DYNC2H1: variants seen among roughly 807,000 people sequenced by gnomAD.
DYNC2H1 encodes dynein cytoplasmic 2 heavy chain 1, also known as cytoplasmic dynein 2 heavy chain 1.
DYNC2H1 carries 410 observed loss-of-function variants against 570.0 expected under a neutral mutation model. The observed-to-expected ratio is 0.72, with a 90% CI of 0.66 to 0.78. The LOEUF is 0.78. Ranked by LOEUF, DYNC2H1 falls within the 30% of genes least tolerant of loss-of-function variation. The probability of loss-of-function intolerance (pLI) is 0.00; values close to 1 mark genes in which losing one functional copy is unlikely to be tolerated. For missense variants in DYNC2H1, 4,865 were observed against 5,046.4 expected (o/e 0.96, Z 1.09); for synonymous variants, 1,688 against 1,677.6 (o/e 1.01, Z -0.15).
chr11:103,313,522 C>G (rs1039766854), intron 79 of DYNC2H1, among the ~76,000 whole-genome samples: 1 of 152,116 alleles, frequency 6.6e-6, no homozygotes, highest in Non-Finnish European at 1.5e-5. Flanking sequence ...CATGCTGCTC[C>G]CCTTTTAACC....
chr11:103,476,677 T>G (rs866268723), intron 88 of DYNC2H1, among the ~76,000 whole-genome samples: 48 of 152,222 alleles, frequency 3.2e-4, no homozygotes, highest in South Asian at 6.2e-4. Context: ...AATAATTTTT[T>G]GGGGGACATA....
chr11:103,338,086 G>A (rs1349993069), intron 82 of DYNC2H1, among the ~76,000 whole-genome samples: 2 of 152,140 alleles, frequency 1.3e-5, no homozygotes, highest in Non-Finnish European at 2.9e-5. Flanking sequence ...TAATTCTTCT[G>A]CATAAGGTTA....
intron 20 of DYNC2H1, among the ~76,000 whole-genome samples, chr11:103,150,379 G>A (rs959161614): frequency 1.3e-5 from 2 of 152,134 alleles, no homozygotes; most frequent in African/African-American, 4.8e-5. Context: ...GTATCATGTA[G>A]TGGTAGTGGA....
chr11:103,309,716 C>T (rs17396421), intron 78 of DYNC2H1, among the ~76,000 whole-genome samples: 20,435 of 151,994 alleles, frequency 0.13, 1,783 homozygotes, highest in Non-Finnish European at 0.2. Context: ...TATTCTAGGA[C>T]TGGATTGCAT....
At position 103,179,102 on chromosome 11, in the gene DYNC2H1, T is replaced by C. The variant is rs1861746263; in HGVS notation, c.6216T>C (p.Asp2072=). 6.2e-7 allele frequency: 1 copy of C among 1,613,106 alleles called. No individual in the cohort carries two copies. The highest frequency in any genetic ancestry group is 8.5e-7 in the Non-Finnish European group (1 of 1,179,286). ...WIESLNSVLD[D]NRLLTMPSGE... is the part of the protein sequence containing the mutation. ...AATCTCTGAATTCTGTTCTGGATGATAATCGACTGCTGACTATGCCCAGTG... is the reference window on the plus strand; with the variant it reads ...AATCTCTGAATTCTGTTCTGGATGACAATCGACTGCTGACTATGCCCAGTG... Residue 2072 remains aspartate (D), a synonymous_variant, in exon 39 of 89, where the codon GAT becomes GAC. Coordinates refer to ENST00000375735, the MANE Select transcript of DYNC2H1 (RefSeq NM_001377.3).
At chr11:103,385,422 T>C (rs1265454679) in intron 83 of DYNC2H1, among the ~76,000 whole-genome samples, 1 of 152,186 alleles carries the variant, frequency 6.6e-6, no homozygotes, top group Admixed American at 6.5e-5. Flanking sequence ...CACTGTTTTT[T>C]TTCAGCTGAA....
At position 103,121,422 on chromosome 11, in the gene DYNC2H1, T is replaced by A. The variant is rs1474401027; in HGVS notation, c.1411T>A (p.Ser471Thr). Residue 471 changes from serine (S) to threonine (T), a missense_variant, in exon 10 of 89, where the codon TCT (serine) becomes ACT (threonine). Ser to Thr is a moderately conservative substitution (Grantham distance 58). Around this residue, in one of 5 missense-constraint regions of DYNC2H1, gnomAD observed 1,936 missense variants for 1,962.1 expected, o/e 0.99. Coordinates refer to ENST00000375735, the MANE Select transcript of DYNC2H1 (RefSeq NM_001377.3). ...GTGCCGAGGAATTCCTGGTGATGCA[T>A]CTGGACCACTTTCTGGCAAAAATCT... is the stretch of plus-strand genomic sequence containing the variant. The part of the protein sequence containing the change: ...NRCRGIPGDA[S>T]GPLSGKNLSE... 1 of 1,613,432 alleles carries A rather than the reference T, an allele frequency of 6.2e-7. No homozygotes were observed. Among genetic ancestry groups the A allele is most frequent in the Non-Finnish European group, 8.5e-7 (1 of 1,179,668 alleles).
chr11:103,149,231 A>G (rs1860404930), intron 20 of DYNC2H1, among the ~76,000 whole-genome samples: 1 of 152,206 alleles, frequency 6.6e-6, no homozygotes, highest in Non-Finnish European at 1.5e-5. Context: ...TTATAACTTT[A>G]GGATGCAAAA....
chr11:103,373,926 C>T (rs576327405), intron 83 of DYNC2H1, among the ~76,000 whole-genome samples: 36 of 152,156 alleles, frequency 2.4e-4, no homozygotes, highest in Middle Eastern at 3.4e-3. Context: ...ACTCCTTTAG[C>T]GTTAATATAA....
At chr11:103,300,831 T>C (rs1447626791) in intron 75 of DYNC2H1, among the ~76,000 whole-genome samples, 2 of 151,978 alleles carry the variant, frequency 1.3e-5, no homozygotes, top group Non-Finnish European at 2.9e-5. Context: ...TATGGTAATC[T>C]GCATTTTAGC....
At position 103,472,379 on chromosome 11, in the gene DYNC2H1, A is replaced by T. The variant is rs926667360; in HGVS notation, c.12765+3674A>T. Among the ~76,000 whole-genome samples the T allele has an allele frequency of 1.7e-3, 1 of 588 alleles. No individual in the cohort carries two copies. Among genetic ancestry groups the T allele is most frequent in the Admixed American group, 0.05 (1 of 20 alleles). The allele number at this position is 588 out of a possible 152,430, so 0.4% of individuals were successfully genotyped here. ...ATCTTTATTAAATAAAAAAAGAATT[A>T]AAAAAATTTTTTTTAAAGAATTGAG... On this transcript the variant is annotated intron_variant, in intron 88 of 88. Coordinates refer to ENST00000375735, the MANE Select transcript of DYNC2H1 (RefSeq NM_001377.3). This position sits in a 1 kb window ranked among gnomAD's most constrained non-coding sequence, Gnocchi z 4.1.
chr11:103,308,136 T>G (rs1318617085), intron 78 of DYNC2H1, among the ~76,000 whole-genome samples: 1 of 152,208 alleles, frequency 6.6e-6, no homozygotes, highest in African/African-American at 2.4e-5. Flanking sequence ...GTAGAACTTT[T>G]TTTATCTTGC....
intron 19 of DYNC2H1, among the ~76,000 whole-genome samples, 188 bp from the exon 20 acceptor site, chr11:103,148,302 T>A (rs902610238): frequency 6.6e-6 from 1 of 152,202 alleles, no homozygotes; most frequent in Non-Finnish European, 1.5e-5. Context: ...AACTAAACTT[T>A]CATGGGAAGA....
At position 103,305,822 on chromosome 11, in the gene DYNC2H1, A is replaced by T. The variant is rs1006890408; in HGVS notation, c.11382+1102A>T. ...CAAGAGAAGATACAGATTTTGGACT[A>T]TGAATATTCATGTAATTCTATTATG... On this transcript the variant is annotated intron_variant, in intron 77 of 88. Transcript: ENST00000375735. The surrounding 1 kb of genome is among the most constrained non-coding windows in gnomAD (Gnocchi z 4.3). 6.6e-6 allele frequency among the ~76,000 whole-genome samples: 1 copy of T among 152,220 alleles called. No homozygotes were observed. Among genetic ancestry groups the T allele is most frequent in the African/African-American group, 2.4e-5 (1 of 41,460 alleles).
chr11:103,263,294 TTAA>T (rs1462441772), intron 70 of DYNC2H1, among the ~76,000 whole-genome samples: 1 of 152,076 alleles, frequency 6.6e-6, no homozygotes. Flanking sequence ...ATTAGACAGA[TTAA>T]TGAGACAGAA....
intron 85 of DYNC2H1, among the ~76,000 whole-genome samples, chr11:103,443,710 T>G (rs1473135133): frequency 2.0e-5 from 3 of 151,852 alleles, no homozygotes; most frequent in Non-Finnish European, 4.4e-5. Context: ...AAATTGTTCC[T>G]AAATATTATT....
intron 83 of DYNC2H1, among the ~76,000 whole-genome samples, chr11:103,386,569 A>G (rs1941883674): frequency 1.3e-5 from 2 of 152,056 alleles, no homozygotes; most frequent in Admixed American, 1.3e-4. Flanking sequence ...TTACATATGT[A>G]TACATGTGCC....
intron 87 of DYNC2H1, among the ~76,000 whole-genome samples, chr11:103,467,328 C>A (rs1347563926): frequency 6.6e-6 from 1 of 152,140 alleles, no homozygotes; most frequent in Non-Finnish European, 1.5e-5. Context: ...GCAACAGCAA[C>A]CTTACTGTAA....
chr11:103,137,202 T>C (rs1426569476), intron 17 of DYNC2H1, among the ~76,000 whole-genome samples: 6 of 149,036 alleles, frequency 4.0e-5, no homozygotes, highest in African/African-American at 9.8e-5. Context: ...TGGTAGTTTC[T>C]TTTGCTGTGC....
Sources: allele counts gnomAD v4.1 joint callset (sites outside exome capture counted in the v4.1 genomes callset), GRCh38; gene constraint gnomAD v4.1.1; regional missense constraint gnomAD v4.1.1; non-coding constraint Gnocchi (gnomAD v3.1); transcripts MANE v1.5; gene names NCBI Gene and HGNC (gene_info 2026-07-23, HGNC 2026-07-21).